Variants in STK32B observed in about 807,000 individuals in gnomAD.
STK32B encodes serine/threonine kinase 32B.
In STK32B, 43 loss-of-function variants were observed where a neutral mutation model predicts 52.6. That is an observed-to-expected ratio of 0.82 (90% CI 0.64 to 1.05). The LOEUF (loss-of-function observed/expected upper bound fraction) is 1.05. STK32B is among the 50% of genes least tolerant of loss of function. The pLI is 0.00. For synonymous variants in STK32B, 238 were observed against 204.3 expected (o/e 1.17, Z -1.41); for missense variants, 621 against 534.6 (o/e 1.16, Z -1.59).
intron 1 of STK32B, among the ~76,000 whole-genome samples, chr4:5,096,708 G>A (rs1211150441): frequency 6.6e-6 from 1 of 152,208 alleles, no homozygotes; most frequent in Non-Finnish European, 1.5e-5. Context: ...GCTTACCTGA[G>A]CTTGTAGGAA....
intron 3 of STK32B, among the ~76,000 whole-genome samples, chr4:5,260,577 C>T (rs974081081): frequency 6.6e-6 from 1 of 152,114 alleles, no homozygotes; most frequent in Admixed American, 6.6e-5. Context: ...CACTAGGCTA[C>T]TAACTTTGAA....
the STK32B span, among the ~76,000 whole-genome samples, chr4:5,031,915 T>G: frequency 2.0e-5 from 3 of 152,120 alleles, no homozygotes; most frequent in African/African-American, 7.2e-5. Context: ...ACCAGATCTG[T>G]GTCTATAGAG....
At chr4:5,347,392 C>A (rs6856115) in intron 4 of STK32B, among the ~76,000 whole-genome samples, 5,027 of 152,218 alleles carry the variant, frequency 0.033, 145 homozygotes, top group African/African-American at 0.076. Context: ...CATTTTAATA[C>A]CTAGAACCTG....
intron 4 of STK32B, among the ~76,000 whole-genome samples, chr4:5,377,417 A>G (rs1251886218): frequency 1.3e-5 from 2 of 152,220 alleles, no homozygotes; most frequent in African/African-American, 4.8e-5. Context: ...TGTCTGTCTT[A>G]TCACAACACC....
chr4:5,448,338 C>T (rs114607533), intron 7 of STK32B, among the ~76,000 whole-genome samples: 41 of 152,306 alleles, frequency 2.7e-4, no homozygotes, highest in Admixed American at 7.2e-4. Flanking sequence ...CTGCTCGGTT[C>T]GTTTCCTGTT....
intron 3 of STK32B, among the ~76,000 whole-genome samples, chr4:5,283,302 C>T (rs2108873281): frequency 7.2e-6 from 1 of 139,256 alleles, no homozygotes; most frequent in East Asian, 2.0e-4. Context: ...ATTACCCAGT[C>T]AGCAGAACAA....
At chr4:5,397,020 A>G (rs937771179) in intron 4 of STK32B, among the ~76,000 whole-genome samples, 1 of 152,210 alleles carries the variant, frequency 6.6e-6, no homozygotes, top group Non-Finnish European at 1.5e-5. Flanking sequence ...AAAAGTCACA[A>G]TGAAAATAAA....
rs1279701383 is a variant in STK32B, at chr4:5,398,222, C to T, written c.450C>T (p.Asp150=). Residue 150 remains aspartate (D), a synonymous_variant, in exon 5 of 12, where the codon GAC becomes GAT. Coordinates refer to ENST00000282908, the MANE Select transcript of STK32B (RefSeq NM_018401.3). This position sits in a 1 kb window ranked among gnomAD's most constrained non-coding sequence, Gnocchi z 4.9. ...TCTTTTACAGAGACATCAAGCCAGACAATATCCTGCTGGATGAACACGGTA... is the reference window on the plus strand; with the variant it reads ...TCTTTTACAGAGACATCAAGCCAGATAATATCCTGCTGGATGAACACGGTA... ...YHIIHRDIKP[D]NILLDEHGHV... 1.2e-6 allele frequency: 2 copies of T among 1,613,948 alleles called. No individual in the cohort carries two copies. Among genetic ancestry groups the T allele is most frequent in the Non-Finnish European group, 1.7e-6 (2 of 1,180,020 alleles).
Position 5,499,850 on chromosome 4 carries a change from T to A in STK32B, c.*767T>A, listed in dbSNP as rs1017510396. On this transcript the variant is annotated 3_prime_UTR_variant, in exon 12 of 12. Transcript: ENST00000282908. ...AGTTGGGTCGCTGAGCATTGGTTAC[T>A]CCTGCAGAGTGTAATCAGCACCCCA... The A allele has an allele frequency of 6.6e-6, 1 of 152,308 alleles. No homozygotes were observed. The highest frequency in any genetic ancestry group is 6.5e-5 in the Admixed American group (1 of 15,294). 9.4% of individuals were successfully genotyped at this position (152,308 alleles called of 1,614,324 possible). A position where few individuals can be genotyped will look rare whatever the true frequency, so the allele number is the denominator to read the frequency against.
At chr4:5,263,869 TATTTCTATCA>T (rs1726885705) in intron 3 of STK32B, among the ~76,000 whole-genome samples, 1 of 152,236 alleles carries the variant, frequency 6.6e-6, no homozygotes, top group Non-Finnish European at 1.5e-5. Flanking sequence ...CCACTGTGCT[TATTTCTATCA>T]CCATACATTG....
intron 7 of STK32B, among the ~76,000 whole-genome samples, chr4:5,455,063 A>G (rs1219979048): frequency 6.6e-6 from 1 of 152,178 alleles, no homozygotes; most frequent in Non-Finnish European, 1.5e-5. Flanking sequence ...AGAAGGTGCC[A>G]CTCAGGAAAA....
Position 5,394,040 on chromosome 4 carries a change from A to G in STK32B, c.435-4167A>G, listed in dbSNP as rs1736733188. 6.6e-6 allele frequency among the ~76,000 whole-genome samples: 1 copy of G among 152,326 alleles called. No homozygotes were observed. The highest frequency in any genetic ancestry group is 1.5e-5 in the Non-Finnish European group (1 of 68,032). On this transcript the variant is annotated intron_variant, in intron 4 of 11. Transcript: ENST00000282908. The surrounding 1 kb of genome is among the most constrained non-coding windows in gnomAD (Gnocchi z 4.2). ...TGCTGCATAAGATTGCCAGCATAGA[A>G]TATTGAGAAGCCCCCTGCCAAAAGA... is the stretch of plus-strand genomic sequence containing the variant.
intron 2 of STK32B, among the ~76,000 whole-genome samples, chr4:5,158,481 G>A (rs552225505): frequency 6.6e-6 from 1 of 152,260 alleles, no homozygotes; most frequent in African/African-American, 2.4e-5. Context: ...TCTCCACGTT[G>A]TTTGTTTATT....
At position 5,365,979 on chromosome 4, in the gene STK32B, G is replaced by T. The variant is rs541554102; in HGVS notation, c.435-32228G>T. ...TTACAGATGTGCCTGAAGAGTTGAT[G>T]GGCAACTCACAGTTGCGCAGACTCT... On this transcript the variant is annotated intron_variant, in intron 4 of 11. Transcript: ENST00000282908. Among the ~76,000 whole-genome samples, 6 of 151,936 alleles carry T rather than the reference G, an allele frequency of 3.9e-5. No homozygotes were observed. The East Asian group carries it at 1.2e-3, about 31-fold the overall frequency.
chr4:5,317,284 A>T (rs1383783722), intron 3 of STK32B, among the ~76,000 whole-genome samples: 1 of 33,394 alleles, frequency 3.0e-5, no homozygotes, highest in Non-Finnish European at 4.6e-5. Flanking sequence ...TATAACATAT[A>T]ACATATATAT....
intron 3 of STK32B, among the ~76,000 whole-genome samples, chr4:5,171,379 G>A (rs1360546646): frequency 4.0e-5 from 6 of 151,716 alleles, no homozygotes. Flanking sequence ...TGAAGTCCTT[G>A]CCCATGCCTA....
intron 4 of STK32B, among the ~76,000 whole-genome samples, chr4:5,334,323 A>AT (rs1436285081): frequency 6.6e-6 from 1 of 151,982 alleles, no homozygotes; most frequent in Non-Finnish European, 1.5e-5. Context: ...TTATACATTG[A>AT]TTTTGTATCC....
chr4:5,400,342 C>T lies in STK32B; in HGVS notation c.472+2098C>T, dbSNP rs1033718559. On this transcript the variant is annotated intron_variant, in intron 5 of 11. Coordinates refer to ENST00000282908, the MANE Select transcript of STK32B (RefSeq NM_018401.3). This position sits in a 1 kb window ranked among gnomAD's most constrained non-coding sequence, Gnocchi z 6.1. Reference sequence around the variant, plus strand: ...CATTCTCAGCCTCCACCTCAGCCTTCCCCACATTCTTTCTGCATCTCGTTC... The same window carrying T: ...CATTCTCAGCCTCCACCTCAGCCTTTCCCACATTCTTTCTGCATCTCGTTC... Among the ~76,000 whole-genome samples the T allele has an allele frequency of 6.6e-6, 1 of 152,192 alleles. No homozygotes were observed. The highest frequency in any genetic ancestry group is 1.5e-5 in the Non-Finnish European group (1 of 68,034).
At chr4:5,381,245 T>G (rs1735916119) in intron 4 of STK32B, among the ~76,000 whole-genome samples, 1 of 152,150 alleles carries the variant, frequency 6.6e-6, no homozygotes, top group Non-Finnish European at 1.5e-5. Flanking sequence ...CATTATTCTT[T>G]AGTTCTACAC....
Sources: allele counts gnomAD v4.1 joint callset (sites outside exome capture counted in the v4.1 genomes callset), GRCh38; gene constraint gnomAD v4.1.1; non-coding constraint Gnocchi (gnomAD v3.1); transcripts MANE v1.5; gene names NCBI Gene and HGNC (gene_info 2026-07-23, HGNC 2026-07-21).